RHOBTB1: variants seen among roughly 807,000 people sequenced by gnomAD.
RHOBTB1 encodes rho-related BTB domain-containing protein 1.
A neutral mutation model predicts 71.6 loss-of-function variants in RHOBTB1; 40 were observed. The observed-to-expected ratio is 0.56, with a 90% CI of 0.43 to 0.73. RHOBTB1 has a LOEUF of 0.73. Among genes scored for constraint, RHOBTB1 ranks in the 30% least tolerant of loss-of-function variants. The probability of loss-of-function intolerance (pLI) is 0.00; values close to 1 mark genes in which losing one functional copy is unlikely to be tolerated. For synonymous variants in RHOBTB1, 319 were observed against 334.9 expected (o/e 0.95, Z 0.52); for missense variants, 797 against 894.0 (o/e 0.89, Z 1.38).
downstream of RHOBTB1, among the ~76,000 whole-genome samples, chr10:60,867,843 C>T (rs574055537): frequency 6.6e-6 from 1 of 152,334 alleles, no homozygotes; most frequent in African/African-American, 2.4e-5. Context: ...AGTGTCTTCA[C>T]TTCTAAGTCT....
chr10:60,880,222 A>G (rs961231149), intron 7 of RHOBTB1, among the ~76,000 whole-genome samples: 4 of 135,220 alleles, frequency 3.0e-5, no homozygotes, highest in Non-Finnish European at 6.4e-5. Context: ...AGAGAGAGAG[A>G]GAGAGAGAGA....
chr10:60,923,541 T>C (rs1353074460), intron 2 of RHOBTB1, among the ~76,000 whole-genome samples: 1 of 152,182 alleles, frequency 6.6e-6, no homozygotes, highest in Non-Finnish European at 1.5e-5. Flanking sequence ...AAGACAATCT[T>C]TCTTTGTCTT....
At chr10:60,862,665 TTC>T in the RHOBTB1 span, among the ~76,000 whole-genome samples, 1 of 151,542 alleles carries the variant, frequency 6.6e-6, no homozygotes, top group African/African-American at 2.4e-5. Context: ...TTTTCTTTTT[TTC>T]TTTCCTCTTT....
At chr10:60,932,991 T>G (rs949336584) in intron 2 of RHOBTB1, among the ~76,000 whole-genome samples, 5 of 152,262 alleles carry the variant, frequency 3.3e-5, no homozygotes, top group African/African-American at 1.2e-4. Flanking sequence ...AGCAATTGTA[T>G]GTAAACATTT....
intron 2 of RHOBTB1, among the ~76,000 whole-genome samples, chr10:60,979,521 T>C (rs1308770831): frequency 1.3e-5 from 2 of 152,080 alleles, no homozygotes; most frequent in Non-Finnish European, 2.9e-5. Context: ...GAATGGCAAA[T>C]TATGGCTCTG....
intron 2 of RHOBTB1, among the ~76,000 whole-genome samples, chr10:60,975,080 C>A (rs2086273269): frequency 2.0e-5 from 3 of 151,946 alleles, no homozygotes; most frequent in Admixed American, 2.0e-4. Context: ...TACTAATTTA[C>A]AATAAAAATA....
chr10:60,992,951 A>G (rs1446820627), intron 1 of RHOBTB1, among the ~76,000 whole-genome samples: 1 of 152,220 alleles, frequency 6.6e-6, no homozygotes, highest in Non-Finnish European at 1.5e-5. Flanking sequence ...AAATCGTAGA[A>G]GTCCCAGATA....
intron 2 of RHOBTB1, among the ~76,000 whole-genome samples, chr10:60,951,533 A>G (rs758676460): frequency 6.6e-6 from 1 of 152,226 alleles, no homozygotes; most frequent in Non-Finnish European, 1.5e-5. Flanking sequence ...TGTGGGTGAC[A>G]TAAGCCATTA....
chr10:60,924,466 C>G (rs1253142131), intron 2 of RHOBTB1, among the ~76,000 whole-genome samples: 1 of 151,982 alleles, frequency 6.6e-6, no homozygotes, highest in Non-Finnish European at 1.5e-5. Context: ...ATATAGCAGT[C>G]AACACTCGAG....
At chr10:60,925,997 G>A (rs753328387) in intron 2 of RHOBTB1, among the ~76,000 whole-genome samples, 4 of 152,050 alleles carry the variant, frequency 2.6e-5, no homozygotes, top group Non-Finnish European at 4.4e-5. Context: ...TTGTGGGGCC[G>A]AGGCGGGCAG....
At chr10:60,952,378 G>T (rs1419744771) in intron 2 of RHOBTB1, among the ~76,000 whole-genome samples, 2 of 152,174 alleles carry the variant, frequency 1.3e-5, no homozygotes, top group African/African-American at 4.8e-5. Context: ...TTTTTAAGCT[G>T]TAATAATACT....
At chr10:60,933,284 G>A (rs551306850) in intron 2 of RHOBTB1, among the ~76,000 whole-genome samples, 1 of 152,328 alleles carries the variant, frequency 6.6e-6, no homozygotes, top group South Asian at 2.1e-4. Context: ...ATGAAGCACT[G>A]TTTGTGGAAG....
intron 2 of RHOBTB1, among the ~76,000 whole-genome samples, chr10:60,934,974 G>A (rs145211939): frequency 9.9e-4 from 151 of 152,266 alleles, no homozygotes; most frequent in East Asian, 1.9e-3. Context: ...GAAGGCAGTC[G>A]AGATTGGCTG....
chr10:60,964,847 T>C (rs919430883), intron 2 of RHOBTB1, among the ~76,000 whole-genome samples: 1 of 152,168 alleles, frequency 6.6e-6, no homozygotes, highest in African/African-American at 2.4e-5. Flanking sequence ...TTTTACAGGG[T>C]GGATTAAACT....
At chr10:60,909,976 G>T (rs2082884751) in intron 4 of RHOBTB1, among the ~76,000 whole-genome samples, 1 of 152,138 alleles carries the variant, frequency 6.6e-6, no homozygotes, top group Non-Finnish European at 1.5e-5. Context: ...AGAAATAGAA[G>T]AATCTTCAGA....
At chr10:60,906,657 G>A (rs2082693611) in intron 4 of RHOBTB1, among the ~76,000 whole-genome samples, 1 of 152,150 alleles carries the variant, frequency 6.6e-6, no homozygotes, top group African/African-American at 2.4e-5. Flanking sequence ...AAGCAGGACA[G>A]GACACATGCA....
Position 60,944,087 on chromosome 10 carries a change from T to A in RHOBTB1, c.-178A>T, listed in dbSNP as rs2085089005. 1 of 151,662 alleles carries A rather than the reference T, an allele frequency of 6.6e-6. No homozygotes were observed. The highest frequency in any genetic ancestry group is 6.6e-5 in the Admixed American group (1 of 15,220). The allele number at this position is 151,662 out of a possible 1,614,324, so 9.4% of individuals were successfully genotyped here. ...CGCGGTCGCGGGTGTGCGGGGCCCCTGCGCGCGGCGCGCCGCCCGCCGCCC... is the reference window on the plus strand; with the variant it reads ...CGCGGTCGCGGGTGTGCGGGGCCCCAGCGCGCGGCGCGCCGCCCGCCGCCC... On this transcript the variant is annotated 5_prime_UTR_variant, in exon 1 of 11. Coordinates refer to ENST00000337910, the MANE Select transcript of RHOBTB1 (RefSeq NM_014836.5).
At chr10:60,891,860 G>C (rs1337652115) in intron 5 of RHOBTB1, among the ~76,000 whole-genome samples, 1 of 152,118 alleles carries the variant, frequency 6.6e-6, no homozygotes, top group Non-Finnish European at 1.5e-5. Flanking sequence ...CATGTGTCAC[G>C]GGAGGGACCT....
At chr10:60,968,417 T>C (rs1244352691) in intron 2 of RHOBTB1, among the ~76,000 whole-genome samples, 1 of 152,110 alleles carries the variant, frequency 6.6e-6, no homozygotes, top group Non-Finnish European at 1.5e-5. Flanking sequence ...AGCACCAAAA[T>C]AACAAGTTTT....
Sources: allele counts gnomAD v4.1 joint callset (sites outside exome capture counted in the v4.1 genomes callset), GRCh38; gene constraint gnomAD v4.1.1; transcripts MANE v1.5; gene names NCBI Gene and HGNC (gene_info 2026-07-23, HGNC 2026-07-21).